The following MEIG1 variants were observed in gnomAD, a reference collection of about 807,000 sequenced individuals.
The protein encoded by MEIG1 is meiosis expressed gene 1 protein homolog.
Under a neutral mutation model 11.3 loss-of-function variants are expected in MEIG1, and 12 were observed. That is an observed-to-expected ratio of 1.07 (90% CI 0.68 to 1.73). MEIG1 has a LOEUF of 1.73. Ranked by LOEUF, MEIG1 falls within the 40% of genes most tolerant of loss-of-function variation. The pLI is 0.00. For synonymous variants in MEIG1, 41 were observed against 33.2 expected, an observed-to-expected ratio of 1.24 and a Z score of -0.81; for missense variants, 119 against 104.9, an observed-to-expected ratio of 1.13 and a Z score of -0.59.
At chr10:14,982,285 C>T (rs936600967) in intron 1 of MEIG1, among the ~76,000 whole-genome samples, 5 of 152,146 alleles carry the variant, frequency 3.3e-5, no homozygotes, top group African/African-American at 1.2e-4. Flanking sequence ...TTTGCATATC[C>T]TCTCTTTCAT....
upstream of MEIG1, among the ~76,000 whole-genome samples, chr10:14,955,968 T>C (rs1025088572): frequency 6.6e-6 from 1 of 152,230 alleles, no homozygotes; most frequent in Non-Finnish European, 1.5e-5. Flanking sequence ...CAAATTCTGC[T>C]GTGAGTCTAG....
upstream of MEIG1, among the ~76,000 whole-genome samples, chr10:14,957,490 G>T (rs768220280): frequency 1.3e-5 from 2 of 152,176 alleles, no homozygotes; most frequent in Non-Finnish European, 2.9e-5. Context: ...AATGATCCGG[G>T]GCTACAGAGG....
intron 2 of MEIG1, 85 bp downstream of exon 2, chr10:14,966,691 T>A: frequency 7.8e-7 from 1 of 1,274,440 alleles, no homozygotes; most frequent in Non-Finnish European, 1.1e-6. Context: ...AGAGAATAAC[T>A]GAAGGAAATT....
At chr10:14,966,409 T>C in intron 1 of MEIG1, 31 bp from the exon 2 acceptor site, 1 of 1,477,308 alleles carries the variant, frequency 6.8e-7, no homozygotes, top group Non-Finnish European at 9.2e-7. Context: ...ACTATTACAT[T>C]ATCCATTAAT....
At chr10:14,981,577 G>A (rs541813196) in intron 1 of MEIG1, among the ~76,000 whole-genome samples, 3,700 of 151,800 alleles carry the variant, frequency 0.024, 71 homozygotes, top group South Asian at 0.047. Flanking sequence ...GGTATCTACA[G>A]GAAAATCAAT....
chr10:14,965,050 CT>C (rs1218634704), intron 1 of MEIG1, among the ~76,000 whole-genome samples: 6 of 152,102 alleles, frequency 3.9e-5, no homozygotes, highest in African/African-American at 1.4e-4. Flanking sequence ...TCCCCAACTG[CT>C]GGGATTACAG....
At chr10:14,974,958 A>G (rs181756365), downstream of MEIG1, among the ~76,000 whole-genome samples, 4 of 152,272 alleles carry the variant, frequency 2.6e-5, no homozygotes, top group African/African-American at 9.6e-5. Context: ...GTGGGTGTAC[A>G]CCCACCTGTG....
downstream of MEIG1, among the ~76,000 whole-genome samples, chr10:14,976,961 C>T (rs144668542): frequency 3.3e-3 from 501 of 152,108 alleles, 4 homozygotes; most frequent in African/African-American, 0.011. Context: ...AATGCAGGTA[C>T]ATTCTCTGAC....
At chr10:14,972,321 A>T (rs1843160755) in intron 2 of MEIG1, among the ~76,000 whole-genome samples, 192 bp from the exon 3 acceptor site, 3 of 152,190 alleles carry the variant, frequency 2.0e-5, no homozygotes, top group Non-Finnish European at 4.4e-5. Flanking sequence ...GGCCTGAATT[A>T]GTTATCTTAC....
At chr10:14,969,123 T>C (rs10906786) in intron 2 of MEIG1, among the ~76,000 whole-genome samples, 97,518 of 152,012 alleles carry the variant, frequency 0.64, 31,587 homozygotes, top group Admixed American at 0.68. Flanking sequence ...TGCCTTAAGA[T>C]TGGGATGCCC....
rs1013554174 is a variant in MEIG1 at position 14,972,831 on chromosome 10, A to G, written c.*190A>G. On this transcript the variant is annotated 3_prime_UTR_variant, in exon 3 of 3. Coordinates refer to ENST00000407572, the MANE Select transcript of MEIG1 (RefSeq NM_001080836.3). ...TGTTCTAAGAACTGGCTGCAGATGC[A>G]TTAAAGTTGTACTTTCTTGGTCCTG... 3.8e-6 allele frequency: 2 copies of G among 524,856 alleles called. No individual in the cohort carries two copies. Among genetic ancestry groups the G allele is most frequent in the Non-Finnish European group, 3.3e-6 (1 of 301,276 alleles). The allele number at this position is 524,856 out of a possible 1,614,324, so 32.5% of individuals were successfully genotyped here. A position where few individuals can be genotyped will look rare whatever the true frequency, so the allele number is the denominator to read the frequency against.
upstream of MEIG1, among the ~76,000 whole-genome samples, chr10:14,954,628 G>A (rs933776902): frequency 2.0e-5 from 3 of 152,024 alleles, no homozygotes; most frequent in African/African-American, 7.3e-5. Context: ...TCATCTCTGC[G>A]TGATCTTGGG....
At chr10:14,982,763 A>G (rs1400746157) in intron 1 of MEIG1, among the ~76,000 whole-genome samples, 3 of 152,132 alleles carry the variant, frequency 2.0e-5, no homozygotes, top group African/African-American at 7.2e-5. Context: ...ATAATTATCA[A>G]TATTAACAAC....
intron 1 of MEIG1, among the ~76,000 whole-genome samples, chr10:14,983,129 A>G (rs1274647560): frequency 6.6e-6 from 1 of 152,084 alleles, no homozygotes; most frequent in African/African-American, 2.4e-5. Context: ...AGAGAGCATG[A>G]TATTACGTTT....
upstream of MEIG1, among the ~76,000 whole-genome samples, chr10:14,954,753 G>A (rs990049234): frequency 6.6e-6 from 1 of 152,046 alleles, no homozygotes; most frequent in African/African-American, 2.4e-5. Context: ...AAAATGGCAG[G>A]AAAGGTCTAA....
At chr10:14,986,028 C>G (rs1843315043) in intron 1 of MEIG1, among the ~76,000 whole-genome samples, 1 of 152,094 alleles carries the variant, frequency 6.6e-6, no homozygotes, top group African/African-American at 2.4e-5. Flanking sequence ...CTTCTAATAT[C>G]ACAGTGGGTG....
At chr10:14,975,213 T>C (rs1471133784), downstream of MEIG1, among the ~76,000 whole-genome samples, 1 of 152,052 alleles carries the variant, frequency 6.6e-6, no homozygotes, top group African/African-American at 2.4e-5. Flanking sequence ...ACATTGTTCC[T>C]AATATCCGGA....
intron 1 of MEIG1, among the ~76,000 whole-genome samples, chr10:14,982,236 T>C (rs1843273041): frequency 6.6e-6 from 1 of 152,178 alleles, no homozygotes; most frequent in Non-Finnish European, 1.5e-5. Context: ...GCTCCCCTCA[T>C]TAATCCTTCC....
chr10:14,979,648 A>G (rs1228762473), intron 1 of MEIG1, among the ~76,000 whole-genome samples: 1 of 152,024 alleles, frequency 6.6e-6, no homozygotes, highest in Non-Finnish European at 1.5e-5. Flanking sequence ...GTAATGTCAC[A>G]TGGGGTGTAC....
Sources: allele counts gnomAD v4.1 joint callset (sites outside exome capture counted in the v4.1 genomes callset), GRCh38; gene constraint gnomAD v4.1.1; transcripts MANE v1.5; gene names NCBI Gene and HGNC (gene_info 2026-07-23, HGNC 2026-07-21).